The following OS9 variants were observed in gnomAD, a reference collection of about 807,000 sequenced individuals.
The protein encoded by OS9 is OS9 endoplasmic reticulum lectin, also known as protein OS-9.
OS9 carries 58 observed loss-of-function variants against 84.7 expected under a neutral mutation model. The observed-to-expected ratio is 0.68, with a 90% confidence interval of 0.55 to 0.85. The LOEUF is 0.85. Ranked by LOEUF, OS9 falls within the 40% of genes least tolerant of loss-of-function variation. The pLI is 0.00. For missense variants in OS9, 760 were observed against 850.9 expected (o/e 0.89, Z 1.33); for synonymous variants, 278 against 320.8 (o/e 0.87, Z 1.43).
At position 57,720,499 on chromosome 12, in the gene OS9, A is replaced by T. The variant is rs1954647229; in HGVS notation, c.1859A>T (p.Glu620Val). The T allele has an allele frequency of 1.9e-6, 3 of 1,611,708 alleles. No individual in the cohort carries two copies. Among genetic ancestry groups the T allele is most frequent in the Non-Finnish European group, 2.5e-6 (3 of 1,177,748 alleles). The change falls in exon 14 of 15, where the codon GAG becomes GTG. Residue 620 changes from glutamate to valine, a missense_variant. Glu to Val is a moderately radical substitution (Grantham distance 121). Transcript: ENST00000315970. ...GATGAGGACACGAGAAACCTCAAGGAGATCTTCTTCAATATCTTGGTAAGA... is the reference window on the plus strand; with the variant it reads ...GATGAGGACACGAGAAACCTCAAGGTGATCTTCTTCAATATCTTGGTAAGA... ...LTDEDTRNLK[E>V]IFFNILVPGA... is the part of the protein sequence containing the mutation.
At chr12:57,695,659 A>T in intron 2 of OS9, 121 bp from the exon 3 acceptor site, 1 of 755,774 alleles carries the variant, frequency 1.3e-6, no homozygotes, top group Non-Finnish European at 2.5e-6. Flanking sequence ...GTGGAAGTGA[A>T]GGGAAGAGAA....
intron 5 of OS9, among the ~76,000 whole-genome samples, chr12:57,715,502 T>C (rs1954458366): frequency 6.6e-6 from 1 of 152,212 alleles, no homozygotes. Flanking sequence ...CAGTTCCTGT[T>C]TTTACCACTT....
intron 12 of OS9, 136 bp downstream of exon 12, chr12:57,719,318 C>A: frequency 1.5e-6 from 1 of 688,176 alleles, no homozygotes; most frequent in Non-Finnish European, 2.5e-6. Context: ...ACACTGTCCT[C>A]ACTTGCGCCT....
intron 5 of OS9, among the ~76,000 whole-genome samples, chr12:57,708,183 A>G (rs554463728): frequency 6.6e-6 from 1 of 152,334 alleles, no homozygotes; most frequent in Admixed American, 6.5e-5. Context: ...TAAAAGGTAT[A>G]CAGAGAAAAG....
At chr12:57,709,837 G>A (rs1954275107) in intron 5 of OS9, among the ~76,000 whole-genome samples, 1 of 151,520 alleles carries the variant, frequency 6.6e-6, no homozygotes, top group Non-Finnish European at 1.5e-5. Context: ...TATCCCTGAC[G>A]ATCCCTTTTT....
intron 5 of OS9, among the ~76,000 whole-genome samples, chr12:57,698,568 G>A (rs1953932947): frequency 6.6e-6 from 1 of 152,194 alleles, no homozygotes; most frequent in Non-Finnish European, 1.5e-5. Flanking sequence ...CAGAGTCCAG[G>A]GTGAAAAGGA....
intron 5 of OS9, among the ~76,000 whole-genome samples, chr12:57,712,493 A>ATTCTTAAT (rs1305180185): frequency 9.4e-5 from 10 of 106,286 alleles, no homozygotes; most frequent in African/African-American, 3.0e-4. Context: ...TGTGACTTAA[A>ATTCTTAAT]TTCTTAATTC....
Position 57,721,059 on chromosome 12 carries a change from G to A in OS9, c.*150G>A, listed in dbSNP as rs981123139. 3.6e-6 allele frequency: 3 copies of A among 838,014 alleles called. No individual in the cohort carries two copies. The highest frequency in any genetic ancestry group is 5.6e-6 in the Non-Finnish European group (3 of 538,986). The allele number at this position is 838,014 out of a possible 1,614,324, so 51.9% of individuals were successfully genotyped here. A position where few individuals can be genotyped will look rare whatever the true frequency, so the allele number is the denominator to read the frequency against. On this transcript the variant is annotated 3_prime_UTR_variant, in exon 15 of 15. Coordinates refer to ENST00000315970, the MANE Select transcript of OS9 (RefSeq NM_006812.4). ...TCTCGGGCAACTCTGTGGGTGTGGGGGCCCTGGGTGAATGCTGCTGCCCCT... is the reference window on the plus strand; with the variant it reads ...TCTCGGGCAACTCTGTGGGTGTGGGAGCCCTGGGTGAATGCTGCTGCCCCT...
rs1453376136 is a variant in OS9, at chr12:57,721,215, A to C, written c.*306A>C. Reference sequence around the variant, plus strand: ...AATGATAGGATATTCCCTGCTGCCTACCTGGAGATTCAGTAGGATCTTTTG... The same window carrying C: ...AATGATAGGATATTCCCTGCTGCCTCCCTGGAGATTCAGTAGGATCTTTTG... On this transcript the variant is annotated 3_prime_UTR_variant, in exon 15 of 15. Coordinates refer to ENST00000315970, the MANE Select transcript of OS9 (RefSeq NM_006812.4). The C allele has an allele frequency of 6.5e-6, 2 of 308,260 alleles. No individual in the cohort carries two copies. The highest frequency in any genetic ancestry group is 1.2e-5 in the Non-Finnish European group (2 of 160,690). 19.1% of individuals were successfully genotyped at this position (308,260 alleles called of 1,614,324 possible). A position where few individuals can be genotyped will look rare whatever the true frequency, so the allele number is the denominator to read the frequency against.
At position 57,720,096 on chromosome 12, in the gene OS9, A is replaced by G. The variant is rs1263986743; in HGVS notation, c.1601-3A>G. ...TGTTTCCCTGTGTGTCTCCCCCTCT[A>G]AGAGGAGGATCCTGAGCACAGAGTC... On this transcript the variant is annotated splice_polypyrimidine_tract_variant and splice_region_variant and intron_variant, in intron 12 of 14. Transcript: ENST00000315970. 6.2e-7 allele frequency: 1 copy of G among 1,613,010 alleles called. No individual in the cohort carries two copies. Among genetic ancestry groups the G allele is most frequent in the East Asian group, 2.2e-5 (1 of 44,864 alleles).
At chr12:57,720,556 C>T in intron 14 of OS9, 38 bp downstream of exon 14, 1 of 1,477,556 alleles carries the variant, frequency 6.8e-7, no homozygotes, top group Non-Finnish European at 9.5e-7. Context: ...GCCCCCAGCC[C>T]TCCTGGAGTG....
chr12:57,696,382 T>C lies in OS9; in HGVS notation c.579+9T>C. 6.5e-7 allele frequency: 1 copy of C among 1,549,850 alleles called. No individual in the cohort carries two copies. Among genetic ancestry groups the C allele is most frequent in the Middle Eastern group, 1.7e-4 (1 of 5,832 alleles). ...GGGAGGCCGAGGTTCGGGTGAGTCT[T>C]GAGAGAGGGAAGTTGACACTCCCAC... On this transcript the variant is annotated intron_variant, in intron 5 of 14. Coordinates refer to ENST00000315970, the MANE Select transcript of OS9 (RefSeq NM_006812.4).
At chr12:57,720,630 G>T in intron 14 of OS9, 112 bp downstream of exon 14, 6 of 1,276,840 alleles carry the variant, frequency 4.7e-6, no homozygotes, top group Non-Finnish European at 6.7e-6. Context: ...GTAAGACAAG[G>T]CTGGGGTTCC....
chr12:57,695,074 G>A, intron 2 of OS9, 148 bp downstream of exon 2: 1 of 659,540 alleles, frequency 1.5e-6, no homozygotes, highest in Non-Finnish European at 2.6e-6. Context: ...GGACAGGAAA[G>A]AAGCAAAGAA....
In OS9 at chr12:57,698,633, T is replaced by C. The variant is rs1953934532; in HGVS notation, c.579+2260T>C. Among the ~76,000 whole-genome samples the C allele has an allele frequency of 2.0e-5, 3 of 152,136 alleles. No individual in the cohort carries two copies. The South Asian group carries it at 6.2e-4, about 32-fold the overall frequency. ...GACATTGGAGGATGAGGAGTTAGAC[T>C]AGCAGATGGAGAGGATGGTGGGGGG... On this transcript the variant is annotated intron_variant, in intron 5 of 14. Transcript: ENST00000315970.
chr12:57,721,053 T>C lies in OS9; in HGVS notation c.*144T>C. 1.1e-6 allele frequency: 1 copy of C among 908,590 alleles called. No individual in the cohort carries two copies. The highest frequency in any genetic ancestry group is 1.7e-6 in the Non-Finnish European group (1 of 596,994). 56.3% of individuals were successfully genotyped at this position (908,590 alleles called of 1,614,324 possible). A position where few individuals can be genotyped will look rare whatever the true frequency, so the allele number is the denominator to read the frequency against. On this transcript the variant is annotated 3_prime_UTR_variant, in exon 15 of 15. Transcript: ENST00000315970. ...TGGACCTCTCGGGCAACTCTGTGGG[T>C]GTGGGGGCCCTGGGTGAATGCTGCT...
At position 57,721,252 on chromosome 12, in the gene OS9, G is replaced by A; in HGVS notation, c.*343G>A. The A allele has an allele frequency of 1.1e-5, 3 of 269,306 alleles. No individual in the cohort carries two copies. The highest frequency in any genetic ancestry group is 2.2e-5 in the Non-Finnish European group (3 of 137,730). The allele number at this position is 269,306 out of a possible 1,614,324, so 16.7% of individuals were successfully genotyped here. A position where few individuals can be genotyped will look rare whatever the true frequency, so the allele number is the denominator to read the frequency against. On this transcript the variant is annotated 3_prime_UTR_variant, in exon 15 of 15. Coordinates refer to ENST00000315970, the MANE Select transcript of OS9 (RefSeq NM_006812.4). ...AGTAGGATCTTTTGAGTGGAGGTGGGTAGAGAGAGCAAGGAGGGCAGGACA... is the reference window on the plus strand; with the variant it reads ...AGTAGGATCTTTTGAGTGGAGGTGGATAGAGAGAGCAAGGAGGGCAGGACA...
In OS9 at chr12:57,707,963, C is replaced by T. The variant is rs527903824; in HGVS notation, c.580-7797C>T. Among the ~76,000 whole-genome samples the T allele has an allele frequency of 1.4e-4, 21 of 151,426 alleles. No homozygotes were observed. In the South Asian group the frequency reaches 3.6e-3, roughly 26 times the overall value. On this transcript the variant is annotated intron_variant, in intron 5 of 14. Coordinates refer to ENST00000315970, the MANE Select transcript of OS9 (RefSeq NM_006812.4). The stretch of plus-strand genomic sequence containing the variant: ...AAAAAATTAGCCAGGTGTGGTGGCA[C>T]GTGCCTGTGGTCCCAGCTACTTGGG...
At position 57,718,259 on chromosome 12, in the gene OS9, GGAGGAT is replaced by G. The variant is rs749881810; in HGVS notation, c.1269_1274del (p.Asp428_Glu429del). ...AACGGCAGAGAGAGATGGAAGAAGA[GGAGGAT>G]GAGGATGAGGATGAGGATGAAGATG... is the stretch of plus-strand genomic sequence containing the variant. On this transcript the variant is annotated inframe_deletion, in exon 11 of 15. Transcript: ENST00000315970. 475 of 1,614,142 alleles carry G rather than the reference GGAGGAT, an allele frequency of 2.9e-4. 5 individuals carry two copies. The highest frequency in any genetic ancestry group is 2.0e-3 in the Middle Eastern group (12 of 6,062).
Sources: allele counts gnomAD v4.1 joint callset (sites outside exome capture counted in the v4.1 genomes callset), GRCh38; gene constraint gnomAD v4.1.1; transcripts MANE v1.5; gene names NCBI Gene and HGNC (gene_info 2026-07-23, HGNC 2026-07-21).